The following PPWD1 variants were observed in gnomAD, a reference collection of about 807,000 sequenced individuals.
PPWD1 encodes peptidylprolyl isomerase domain and WD repeat-containing protein 1.
Under a neutral mutation model 68.8 loss-of-function variants are expected in PPWD1, and 43 were observed. The ratio of observed to expected loss-of-function variants is 0.62; its 90% CI spans 0.49 to 0.81. The LOEUF (loss-of-function observed/expected upper bound fraction) is 0.81, where lower values mean the gene tolerates loss of function less well. Ranked by LOEUF, PPWD1 falls within the 30% of genes least tolerant of loss-of-function variation. PPWD1 has a pLI of 0.00. For synonymous variants in PPWD1, 232 were observed against 258.7 expected (o/e 0.90, Z 0.99); for missense variants, 672 against 804.8 (o/e 0.83, Z 2.00).
At chr5:65,582,919 G>T in intron 7 of PPWD1, 119 bp from the exon 8 acceptor site, 1 of 1,289,372 alleles carries the variant, frequency 7.8e-7, no homozygotes, top group Non-Finnish European at 1.0e-6. Context: ...CCTGAAATAA[G>T]GATTCTGATG....
chr5:65,570,269 A>T, intron 4 of PPWD1: 1 of 911,076 alleles, frequency 1.1e-6, no homozygotes, highest in Non-Finnish European at 1.3e-6. Flanking sequence ...ATATTACTGG[A>T]GCTCTGTCAT....
chr5:65,565,573 G>A (rs1752710961), intron 1 of PPWD1, among the ~76,000 whole-genome samples: 1 of 152,064 alleles, frequency 6.6e-6, no homozygotes, highest in Non-Finnish European at 1.5e-5. Flanking sequence ...GGAGGCTGAG[G>A]CGGGCAGATC....
At chr5:65,584,862 TGA>T (rs1381581179) in intron 8 of PPWD1, 150 bp from the exon 9 acceptor site, 12 of 1,193,690 alleles carry the variant, frequency 1.0e-5, no homozygotes, top group African/African-American at 1.7e-5. Flanking sequence ...GTGCTTGTCC[TGA>T]GATTAGAGAT....
rs1343763294 is a variant in PPWD1, at chr5:65,572,287, G to GT, written c.969+2dup. 1.9e-6 allele frequency: 3 copies of GT among 1,590,920 alleles called. No homozygotes were observed. The highest frequency in any genetic ancestry group is 2.6e-6 in the Non-Finnish European group (3 of 1,168,782). ...GAGAGTCTTTGATGAATCACTAAGC[G>GT]TAAGTGTAATTTAAATTTAACCGTA... On this transcript the variant is annotated splice_donor_variant, in intron 5 of 10. Coordinates refer to ENST00000261308, the MANE Select transcript of PPWD1 (RefSeq NM_015342.4). LOFTEE classifies it high-confidence loss of function.
At chr5:65,564,318 C>CTTTTTTTTTTTTTTTTTTTTTTTTTTT (rs550753414) in intron 1 of PPWD1, among the ~76,000 whole-genome samples, 1 of 117,230 alleles carries the variant, frequency 8.5e-6, no homozygotes. Context: ...TTTTCTCTCT[C>CTTTTTTTTTTTTTTTTTTTTTTTTTTT]TTTTTTTTTT....
At chr5:65,568,973 A>C (rs1219615610) in intron 2 of PPWD1, 5 of 455,808 alleles carry the variant, frequency 1.1e-5, no homozygotes, top group Admixed American at 4.7e-5. Flanking sequence ...ATTGAAAGCC[A>C]CTCTAGCTAT....
chr5:65,576,833 G>GGTATAT lies in PPWD1; in HGVS notation c.970-39_970-34dup, dbSNP rs1181796342. ...AGATAGATGGGTTGATATAGATATA[G>GGTATAT]GTATATGTATATAGAGTTTTTGTTA... On this transcript the variant is annotated intron_variant, in intron 5 of 10. Coordinates refer to ENST00000261308, the MANE Select transcript of PPWD1 (RefSeq NM_015342.4). 18 of 1,579,244 alleles carry GGTATAT rather than the reference G, an allele frequency of 1.1e-5. No homozygotes were observed. In the East Asian group the frequency reaches 2.5e-4, roughly 22 times the overall value.
Position 65,587,301 on chromosome 5 carries a change from A to T in PPWD1, c.1846A>T (p.Met616Leu), listed in dbSNP as rs771221526. ...AGTATTTGGACGAGTGACTAAAGGA[A>T]TGGAAGTTGTACAGAGGATCTCCAA... ...HTVFGRVTKG[M>L]EVVQRISNVK... The change falls in exon 11 of 11, where the codon ATG (methionine) becomes TTG (leucine). Residue 616 changes from methionine to leucine, a missense_variant. This residue lies in a region of PPWD1 where 484 missense variants were observed against 646.2 expected (regional missense o/e 0.75). Coordinates refer to ENST00000261308, the MANE Select transcript of PPWD1 (RefSeq NM_015342.4). 117 of 1,612,446 alleles carry T rather than the reference A, an allele frequency of 7.3e-5. No homozygotes were observed. Among genetic ancestry groups the T allele is most frequent in the Non-Finnish European group, 9.1e-5 (107 of 1,178,892 alleles).
At position 65,567,635 on chromosome 5, in the gene PPWD1, T is replaced by C. The variant is rs372562429; in HGVS notation, c.299+20T>C. On this transcript the variant is annotated intron_variant, in intron 2 of 10. Coordinates refer to ENST00000261308, the MANE Select transcript of PPWD1 (RefSeq NM_015342.4). ...CACCAAGTAAGTCTATCACATCTTTTTTACTTTGTTCTGAGTTTATTTAAA... is the reference window on the plus strand; with the variant it reads ...CACCAAGTAAGTCTATCACATCTTTCTTACTTTGTTCTGAGTTTATTTAAA... 3.5e-4 allele frequency: 539 copies of C among 1,560,678 alleles called. No individual in the cohort carries two copies. The highest frequency in any genetic ancestry group is 9.6e-5 in the Admixed American group (5 of 52,356).
intron 9 of PPWD1, 75 bp downstream of exon 9, chr5:65,585,170 C>G: frequency 7.2e-7 from 1 of 1,384,956 alleles, no homozygotes. Context: ...CGCAAGGAAT[C>G]TTCTTCTCTC....
chr5:65,567,772 G>A (rs1054859560), intron 2 of PPWD1, 157 bp downstream of exon 2: 34 of 1,263,722 alleles, frequency 2.7e-5, no homozygotes, highest in African/African-American at 7.5e-5. Context: ...TTCCTATATC[G>A]TACAAATAAT....
Position 65,587,380 on chromosome 5 carries a change from A to G in PPWD1, c.1925A>G (p.Asn642Ser). ...CCCTATGAGGATGTCAGCATCATAAATATTACTGTCAAGTAAAATAAGATT... is the reference window on the plus strand; with the variant it reads ...CCCTATGAGGATGTCAGCATCATAAGTATTACTGTCAAGTAAAATAAGATT... ...DKPYEDVSIINITVK is the reference protein window; with the variant it reads ...DKPYEDVSIISITVK Residue 642 changes from asparagine (N) to serine (S), a missense_variant, in exon 11 of 11, where the codon AAT becomes AGT. Asn to Ser is a conservative substitution (Grantham distance 46). Around this residue, in one of 2 missense-constraint regions of PPWD1, gnomAD observed 484 missense variants for 646.2 expected, o/e 0.75. Coordinates refer to ENST00000261308, the MANE Select transcript of PPWD1 (RefSeq NM_015342.4). The G allele has an allele frequency of 6.2e-7, 1 of 1,607,436 alleles. No individual in the cohort carries two copies. The highest frequency in any genetic ancestry group is 8.5e-7 in the Non-Finnish European group (1 of 1,176,036).
chr5:65,583,277 C>G, intron 8 of PPWD1, 58 bp downstream of exon 8: 3 of 1,342,584 alleles, frequency 2.2e-6, no homozygotes, highest in Non-Finnish European at 2.9e-6. Context: ...ATGTGTATAT[C>G]TGAAGAAACC....
At position 65,567,488 on chromosome 5, in the gene PPWD1, T is replaced by G. The variant is rs990289178; in HGVS notation, c.197-25T>G. On this transcript the variant is annotated intron_variant, in intron 1 of 10. Coordinates refer to ENST00000261308, the MANE Select transcript of PPWD1 (RefSeq NM_015342.4). ...TTGGTTTATTTGTTAAAAATAGATCTTATACTTTACTTTTTTTTCTTCAGT... is the reference window on the plus strand; with the variant it reads ...TTGGTTTATTTGTTAAAAATAGATCGTATACTTTACTTTTTTTTCTTCAGT... 5.0e-6 allele frequency: 8 copies of G among 1,589,390 alleles called. No homozygotes were observed. In the African/African-American group the frequency reaches 9.5e-5, roughly 19 times the overall value.
At chr5:65,568,246 C>G (rs1193049752) in intron 2 of PPWD1, among the ~76,000 whole-genome samples, 2 of 152,136 alleles carry the variant, frequency 1.3e-5, no homozygotes, top group Admixed American at 6.5e-5. Context: ...TAGTAATATT[C>G]TACTGTTTGT....
chr5:65,573,039 C>T (rs1664085932), intron 5 of PPWD1, among the ~76,000 whole-genome samples: 1 of 152,138 alleles, frequency 6.6e-6, no homozygotes, highest in Non-Finnish European at 1.5e-5. Context: ...AGAGTCATGG[C>T]TTACCATGTT....
At chr5:65,584,801 C>G (rs2150609664) in intron 8 of PPWD1, 4 of 275,712 alleles carry the variant, frequency 1.5e-5, no homozygotes, top group Non-Finnish European at 2.2e-5. Flanking sequence ...CAGTCATGTT[C>G]TAAAGATAAC....
Position 65,586,063 on chromosome 5 carries a change from G to A in PPWD1, c.1679G>A (p.Gly560Glu), listed in dbSNP as rs769177822. 9.3e-5 allele frequency: 150 copies of A among 1,613,568 alleles called. No homozygotes were observed. The highest frequency in any genetic ancestry group is 1.3e-4 in the Non-Finnish European group (148 of 1,179,680). ...TGMGGESIWGGEFEDEFHSTL... is the reference protein window; with the variant it reads ...TGMGGESIWGEEFEDEFHSTL... Reference sequence around the variant, plus strand: ...ATGGGAGGAGAAAGCATATGGGGAGGAGAATTTGAAGATGAATTTCATTCA... The same window carrying A: ...ATGGGAGGAGAAAGCATATGGGGAGAAGAATTTGAAGATGAATTTCATTCA... Residue 560 changes from glycine (G) to glutamate (E), a missense_variant, in exon 10 of 11, where the codon GGA becomes GAA. Gly to Glu is a moderately conservative substitution (Grantham distance 98). This residue lies in a region of PPWD1 where 484 missense variants were observed against 646.2 expected (regional missense o/e 0.75). Transcript: ENST00000261308.
At chr5:65,580,621 C>T (rs1753553274) in intron 7 of PPWD1, among the ~76,000 whole-genome samples, 1 of 152,152 alleles carries the variant, frequency 6.6e-6, no homozygotes, top group African/African-American at 2.4e-5. Flanking sequence ...TCCAGCAATT[C>T]GCCTGCCTCA....
Sources: gnomAD v4.1 joint callset for allele counts (sites outside exome capture counted in the v4.1 genomes callset) on GRCh38, gnomAD v4.1.1 for gene constraint, gnomAD v4.1.1 regional missense constraint, MANE v1.5 for transcripts, NCBI Gene and HGNC (gene_info 2026-07-23, HGNC 2026-07-21) for gene names.